Variants in SCN1A observed in about 807,000 individuals in gnomAD.
SCN1A encodes sodium voltage-gated channel alpha subunit 1.
SCN1A carries 13 observed loss-of-function variants against 193.7 expected under a neutral mutation model. The ratio of observed to expected loss-of-function variants is 0.07; its 90% CI spans 0.04 to 0.11. The LOEUF (loss-of-function observed/expected upper bound fraction) is 0.11. SCN1A is among the 10% of genes least tolerant of loss of function. The pLI is 1.00. For synonymous variants in SCN1A, 781 were observed against 843.6 expected (o/e 0.93, Z 1.29); for missense variants, 1,432 against 2,451.1 (o/e 0.58, Z 8.78).
rs1688728931 is a variant in SCN1A, at chr2:165,988,215, T to C, written c.*3030A>G. 1 of 152,044 alleles carries C rather than the reference T, an allele frequency of 6.6e-6. No individual in the cohort carries two copies. The highest frequency in any genetic ancestry group is 1.5e-5 in the Non-Finnish European group (1 of 68,018). The allele number at this position is 152,044 out of a possible 1,614,324, so 9.4% of individuals were successfully genotyped here. On this transcript the variant is annotated 3_prime_UTR_variant, in exon 29 of 29. Coordinates refer to ENST00000674923, the MANE Select transcript of SCN1A (RefSeq NM_001165963.4). ...TGGACTTCACTGTGGTTCCCCCAGT[T>C]ACTGTTTTTCTTTATCTGCAAAAGT... is the stretch of plus-strand genomic sequence containing the variant.
chr2:166,070,129 G>C (rs1438494113), intron 4 of SCN1A, among the ~76,000 whole-genome samples: 1 of 152,032 alleles, frequency 6.6e-6, no homozygotes, highest in African/African-American at 2.4e-5. Context: ...AATTAGAAAA[G>C]AAAATTAAAG....
Position 166,058,586 on chromosome 2 carries a change from T to G in SCN1A, c.367A>C (p.Lys123Gln). 6.3e-7 allele frequency: 1 copy of G among 1,598,522 alleles called. No individual in the cohort carries two copies. The highest frequency in any genetic ancestry group is 1.1e-5 in the South Asian group (1 of 90,740). ...AAAGGATATGAATGTACCAAAATCT[T>G]AATAGCTATTTTCCTAAGAGGATTG... Reference protein sequence around the residue: ...PFNPLRKIAIKILVHSLFSML... With the variant: ...PFNPLRKIAIQILVHSLFSML... The change falls in exon 5 of 29, where the codon AAG (lysine) becomes CAG (glutamine). Residue 123 changes from lysine to glutamine, a missense_variant. Around this residue, in one of 18 missense-constraint regions of SCN1A, gnomAD observed 123 missense variants for 282.8 expected, o/e 0.43. Transcript: ENST00000674923.
intron 20 of SCN1A, 152 bp from the exon 21 acceptor site, chr2:166,014,050 A>G: frequency 1.1e-6 from 1 of 903,728 alleles, no homozygotes; most frequent in Non-Finnish European, 1.7e-6. Context: ...CACATTCATC[A>G]GCTGTGTGAA....
chr2:166,052,287 C>T (rs1484664764), intron 8 of SCN1A, among the ~76,000 whole-genome samples: 1 of 151,914 alleles, frequency 6.6e-6, no homozygotes, highest in Non-Finnish European at 1.5e-5. Flanking sequence ...CTTTTTGCTA[C>T]TGAAACTTGT....
intron 19 of SCN1A, among the ~76,000 whole-genome samples, chr2:166,033,151 A>G (rs1355250637): frequency 1.3e-5 from 2 of 152,132 alleles, no homozygotes; most frequent in Admixed American, 1.3e-4. Context: ...ATTTATTACT[A>G]TACTCTATGC....
intron 19 of SCN1A, among the ~76,000 whole-genome samples, chr2:166,026,786 T>C (rs561950980): frequency 6.0e-5 from 9 of 149,864 alleles, no homozygotes; most frequent in East Asian, 4.0e-4. Context: ...CAGGTTCATG[T>C]CATTCTCCTG....
intron 19 of SCN1A, among the ~76,000 whole-genome samples, chr2:166,022,125 G>A (rs1379489116): frequency 1.3e-5 from 2 of 151,922 alleles, no homozygotes; most frequent in Non-Finnish European, 2.9e-5. Flanking sequence ...AACCATAATT[G>A]AATCAAAATT....
At chr2:166,045,390 G>T (rs1325316571) in intron 12 of SCN1A, 63 bp from the exon 13 acceptor site, 4 of 1,537,848 alleles carry the variant, frequency 2.6e-6, no homozygotes, top group Non-Finnish European at 3.6e-6. Flanking sequence ...CTTTGAAAGG[G>T]CTGAAGTATT....
rs372372558 is a variant in SCN1A at position 166,045,123 on chromosome 2, T to A, written c.1582A>T (p.Ser528Cys). 1.1e-5 allele frequency: 18 copies of A among 1,614,118 alleles called. No homozygotes were observed. In the African/African-American group the frequency reaches 1.6e-4, roughly 14 times the overall value. The change falls in exon 13 of 29, where the codon AGC becomes TGC. Residue 528 changes from serine to cysteine, a missense_variant. Around this residue, in one of 18 missense-constraint regions of SCN1A, gnomAD observed 316 missense variants for 362.1 expected, o/e 0.87. Coordinates refer to ENST00000674923, the MANE Select transcript of SCN1A (RefSeq NM_001165963.4). ...DEFQKSESED[S>C]IRRKGFRFSI... is the part of the protein sequence containing the mutation. Reference sequence around the variant, plus strand: ...AAGCGAAAACCTTTCCTCCTGATGCTGTCCTCAGATTCAGATTTTTGGAAT... The same window carrying A: ...AAGCGAAAACCTTTCCTCCTGATGCAGTCCTCAGATTCAGATTTTTGGAAT...
At chr2:166,027,155 C>G (rs1311051199) in intron 19 of SCN1A, 1 of 152,152 alleles carries the variant, frequency 6.6e-6, no homozygotes, top group South Asian at 2.1e-4. Flanking sequence ...GCAGAGACCA[C>G]GTTGTATATG....
chr2:166,024,943 G>A (rs1409242691), intron 19 of SCN1A, among the ~76,000 whole-genome samples: 6 of 152,116 alleles, frequency 3.9e-5, no homozygotes, highest in African/African-American at 1.2e-4. Context: ...AGTGAGCCAC[G>A]GTGCTTGGTC....
rs139723355 is a variant in SCN1A, at chr2:166,142,621, G to A, written c.-50+6426C>T. On this transcript the variant is annotated intron_variant, in intron 1 of 26. Transcript: ENST00000635750. ...TTTAGGAAATTTCATATGGAAGGTTGACACCTGTTGTACTTTCCTTACCTC... is the reference window on the plus strand; with the variant it reads ...TTTAGGAAATTTCATATGGAAGGTTAACACCTGTTGTACTTTCCTTACCTC... Among the ~76,000 whole-genome samples the A allele has an allele frequency of 4.2e-3, 638 of 152,300 alleles. 3 individuals are homozygous for A. The highest frequency in any genetic ancestry group is 6.7e-3 in the Non-Finnish European group (454 of 68,030).
chr2:166,145,142 ATTTTTTTTTTTTT>A (rs10527781), intron 1 of SCN1A, among the ~76,000 whole-genome samples: 12,813 of 129,210 alleles, frequency 0.099, 1,442 homozygotes, highest in African/African-American at 0.24. Flanking sequence ...GGCCTAAGTA[ATTTTTTTTTTTTT>A]TTTTTTTTTT....
chr2:166,108,308 A>C (rs1688918996), intron 2 of SCN1A, among the ~76,000 whole-genome samples: 1 of 152,080 alleles, frequency 6.6e-6, no homozygotes, highest in Non-Finnish European at 1.5e-5. Context: ...ACAGATAATC[A>C]CAAGTGTTGG....
At position 166,127,795 on chromosome 2, in the gene SCN1A, C is replaced by T. The variant is rs1467722248; in HGVS notation, c.-253G>A. ...CCTGATTAAAAGGAAAATTATCCAT[C>T]TGCAGTGAGGAACAGCATCACCCAA... On this transcript the variant is annotated 5_prime_UTR_variant, in exon 1 of 29. Transcript: ENST00000674923. 6.6e-6 allele frequency: 1 copy of T among 152,130 alleles called. No homozygotes were observed. The highest frequency in any genetic ancestry group is 1.5e-5 in the Non-Finnish European group (1 of 68,024). The allele number at this position is 152,130 out of a possible 1,614,324, so 9.4% of individuals were successfully genotyped here.
At chr2:166,072,942 G>GGATT (rs1183317180) in intron 4 of SCN1A, among the ~76,000 whole-genome samples, 1 of 149,942 alleles carries the variant, frequency 6.7e-6, no homozygotes, top group African/African-American at 2.5e-5. Flanking sequence ...GTTCAACAAG[G>GGATT]GATTCCCCTG....
intron 19 of SCN1A, among the ~76,000 whole-genome samples, chr2:166,030,278 C>T (rs1695379907): frequency 1.3e-5 from 2 of 152,064 alleles, no homozygotes; most frequent in African/African-American, 4.8e-5. Flanking sequence ...TTATTTTTCT[C>T]ATCTTAAGGC....
intron 1 of SCN1A, among the ~76,000 whole-genome samples, chr2:166,135,273 A>G (rs1270987475): frequency 6.6e-6 from 1 of 152,212 alleles, no homozygotes; most frequent in Non-Finnish European, 1.5e-5. Context: ...TTTTTTAATA[A>G]AGAGGACTTT....
At chr2:166,031,433 G>A (rs2105762036) in intron 19 of SCN1A, among the ~76,000 whole-genome samples, 1 of 152,026 alleles carries the variant, frequency 6.6e-6, no homozygotes, top group Middle Eastern at 3.4e-3. Context: ...CTGTCTTTAG[G>A]TTTCTGCATG....
Sources: gnomAD v4.1 joint callset for allele counts (sites outside exome capture counted in the v4.1 genomes callset) on GRCh38, gnomAD v4.1.1 for gene constraint, gnomAD v4.1.1 regional missense constraint, MANE v1.5 for transcripts, NCBI Gene and HGNC (gene_info 2026-07-23, HGNC 2026-07-21) for gene names.